Variants in GRIA4 observed in about 807,000 individuals in gnomAD.
GRIA4 encodes glutamate receptor 4.
GRIA4 carries 34 observed loss-of-function variants against 104.0 expected under a neutral mutation model. The ratio of observed to expected loss-of-function variants is 0.33; its 90% confidence interval spans 0.25 to 0.44. The LOEUF (loss-of-function observed/expected upper bound fraction) is 0.44. Ranked by LOEUF, GRIA4 falls within the 20% of genes least tolerant of loss-of-function variation. The pLI, the probability that GRIA4 is intolerant of heterozygous loss-of-function variation, is 1.00. For missense variants in GRIA4, 750 were observed against 1,096.5 expected, an observed-to-expected ratio of 0.68 and a Z score of 4.46; for synonymous variants, 386 against 381.9, an observed-to-expected ratio of 1.01 and a Z score of -0.13.
intron 3 of GRIA4, among the ~76,000 whole-genome samples, chr11:105,703,642 T>A (rs1953586463): frequency 6.6e-6 from 1 of 152,194 alleles, no homozygotes; most frequent in South Asian, 2.1e-4. Flanking sequence ...TATGGATTTT[T>A]TTAAATTCAC....
chr11:105,699,703 C>T (rs1591097833), intron 3 of GRIA4, among the ~76,000 whole-genome samples: 1 of 152,002 alleles, frequency 6.6e-6, no homozygotes, highest in South Asian at 2.1e-4. Context: ...GAACACTTAT[C>T]CCATGGACAC....
At chr11:105,808,234 C>T (rs1943028985) in intron 4 of GRIA4, among the ~76,000 whole-genome samples, 1 of 151,902 alleles carries the variant, frequency 6.6e-6, no homozygotes, top group Non-Finnish European at 1.5e-5. Context: ...TACTTTAAAA[C>T]ACACCCCTAG....
Position 105,629,970 on chromosome 11 carries a change from G to A in GRIA4, c.247+17536G>A, listed in dbSNP as rs113923948. ...TTACAAGCATTTGTCATCGTCAATT[G>A]AAACCTGTAACTTAGCAACCATATC... is the stretch of plus-strand genomic sequence containing the variant. On this transcript the variant is annotated intron_variant, in intron 3 of 16. Coordinates refer to ENST00000282499, the MANE Select transcript of GRIA4 (RefSeq NM_000829.4). Among the ~76,000 whole-genome samples, 286 of 152,276 alleles carry A rather than the reference G, an allele frequency of 1.9e-3. 5 individuals are homozygous for A. Among genetic ancestry groups the A allele is most frequent in the African/African-American group, 6.4e-3 (265 of 41,572 alleles).
chr11:105,668,516 C>T (rs561446011), intron 3 of GRIA4, among the ~76,000 whole-genome samples: 2 of 151,612 alleles, frequency 1.3e-5, no homozygotes, highest in South Asian at 2.1e-4. Context: ...ATACACCCAA[C>T]AGAGGGGCTG....
chr11:105,699,219 T>C (rs538333442), intron 3 of GRIA4, among the ~76,000 whole-genome samples: 1 of 152,324 alleles, frequency 6.6e-6, no homozygotes, highest in South Asian at 2.1e-4. Context: ...TTCCCTCCTC[T>C]GTGCTATGTG....
intron 14 of GRIA4, among the ~76,000 whole-genome samples, chr11:105,968,555 G>T (rs1437534543): frequency 2.0e-5 from 3 of 152,182 alleles, no homozygotes; most frequent in Non-Finnish European, 4.4e-5. Context: ...ACCTTGAAAG[G>T]TAAAAAATTA....
intron 3 of GRIA4, among the ~76,000 whole-genome samples, chr11:105,672,731 C>G (rs1170160185): frequency 6.6e-6 from 1 of 151,922 alleles, no homozygotes; most frequent in Non-Finnish European, 1.5e-5. Context: ...ACCCAGAGAC[C>G]CAGCCATACA....
chr11:105,859,204 G>C (rs1483395618), intron 4 of GRIA4, among the ~76,000 whole-genome samples: 1 of 152,094 alleles, frequency 6.6e-6, no homozygotes, highest in Non-Finnish European at 1.5e-5. Context: ...GAATATCAAT[G>C]AATAATAAGA....
chr11:105,814,416 C>T (rs188589305), intron 4 of GRIA4, among the ~76,000 whole-genome samples: 44 of 152,186 alleles, frequency 2.9e-4, no homozygotes, highest in South Asian at 1.5e-3. Context: ...CTGTGTATGA[C>T]GAGCCTGTGC....
intron 4 of GRIA4, among the ~76,000 whole-genome samples, chr11:105,811,845 T>C (rs1257423411): frequency 6.6e-6 from 1 of 152,188 alleles, no homozygotes; most frequent in Non-Finnish European, 1.5e-5. Flanking sequence ...CATTCAGGGT[T>C]TGTACTCACT....
intron 12 of GRIA4, among the ~76,000 whole-genome samples, chr11:105,926,158 C>G (rs544721498): frequency 1.8e-4 from 28 of 152,192 alleles, no homozygotes; most frequent in African/African-American, 6.7e-4. Flanking sequence ...TCTAGACGCT[C>G]TTCGGGTCCA....
intron 4 of GRIA4, among the ~76,000 whole-genome samples, chr11:105,854,878 C>T (rs531687962): frequency 6.6e-6 from 1 of 152,188 alleles, no homozygotes; most frequent in South Asian, 2.1e-4. Flanking sequence ...ATTTCTGCCA[C>T]TTAGTGGGGT....
intron 14 of GRIA4, among the ~76,000 whole-genome samples, chr11:105,940,866 G>A (rs1162152186): frequency 6.6e-6 from 1 of 151,924 alleles, no homozygotes; most frequent in African/African-American, 2.4e-5. Flanking sequence ...TTTAGAATGA[G>A]CTGGAGAATA....
intron 3 of GRIA4, among the ~76,000 whole-genome samples, chr11:105,622,029 T>C (rs1286795766): frequency 6.6e-6 from 1 of 151,846 alleles, no homozygotes; most frequent in Non-Finnish European, 1.5e-5. Context: ...CTTTCTCGGT[T>C]GTGAGAGTGT....
rs148520729 is a variant in GRIA4 at position 105,778,278 on chromosome 11, A to G, written c.487+25058A>G. Among the ~76,000 whole-genome samples, 385 of 152,338 alleles carry G rather than the reference A, an allele frequency of 2.5e-3. 4 individuals carry two copies. The highest frequency in any genetic ancestry group is 9.0e-3 in the African/African-American group (376 of 41,576). ...GTGACCTAGTATTATTTTATTATAA[A>G]TACAGGGATTCAGTTAATGGATTGG... On this transcript the variant is annotated intron_variant, in intron 4 of 16. Transcript: ENST00000282499.
At position 105,623,409 on chromosome 11, in the gene GRIA4, T is replaced by G. The variant is rs554165578; in HGVS notation, c.247+10975T>G. On this transcript the variant is annotated intron_variant, in intron 3 of 16. Transcript: ENST00000282499. The stretch of plus-strand genomic sequence containing the variant: ...AGCCGGGGGTACCCTTCTGAATTTA[T>G]AAATCAGAGACTGTTTCTTTTGTAC... Among the ~76,000 whole-genome samples, 3 of 152,158 alleles carry G rather than the reference T, an allele frequency of 2.0e-5. No individual in the cohort carries two copies. In the South Asian group the frequency reaches 6.2e-4, roughly 32 times the overall value.
intron 3 of GRIA4, among the ~76,000 whole-genome samples, chr11:105,664,242 G>A (rs1952097555): frequency 6.7e-6 from 1 of 150,232 alleles, no homozygotes; most frequent in Non-Finnish European, 1.5e-5. Context: ...TGATATAAAT[G>A]ACGGGGCACT....
chr11:105,663,056 T>G (rs1198255957), intron 3 of GRIA4, among the ~76,000 whole-genome samples: 1 of 151,916 alleles, frequency 6.6e-6, no homozygotes, highest in African/African-American at 2.4e-5. Flanking sequence ...TTGTAGCCTA[T>G]CTTTATAATT....
intron 5 of GRIA4, among the ~76,000 whole-genome samples, chr11:105,883,199 G>C (rs574187579): frequency 6.6e-6 from 1 of 151,566 alleles, no homozygotes; most frequent in Non-Finnish European, 1.5e-5. Context: ...CGTTGAGAGC[G>C]TATAATTGAT....
Sources: gnomAD v4.1 joint callset for allele counts (sites outside exome capture counted in the v4.1 genomes callset) on GRCh38, gnomAD v4.1.1 for gene constraint, MANE v1.5 for transcripts, NCBI Gene and HGNC (gene_info 2026-07-23, HGNC 2026-07-21) for gene names.